Variants in PCM1 observed in about 807,000 individuals in gnomAD.
PCM1 encodes the protein pericentriolar material 1 protein.
Under a neutral mutation model 241.9 loss-of-function variants are expected in PCM1, and 157 were observed. That is an observed-to-expected ratio of 0.65 (90% CI 0.57 to 0.74). The LOEUF is 0.74. Among genes scored for constraint, PCM1 ranks in the 30% least tolerant of loss-of-function variants. The pLI, the probability that PCM1 is intolerant of heterozygous loss-of-function variation, is 0.00. For synonymous variants in PCM1, 1,085 were observed against 784.9 expected, an observed-to-expected ratio of 1.38 and a Z score of -6.39; for missense variants, 3,478 against 2,360.1, an observed-to-expected ratio of 1.47 and a Z score of -9.81.
chr8:17,937,245 C>G lies in PCM1; in HGVS notation c.208C>G (p.Pro70Ala). Residue 70 changes from proline (P) to alanine (A), a missense_variant, in exon 4 of 39, where the codon CCA (proline) becomes GCA (alanine). By Grantham distance (27) the Pro-to-Ala change is conservative. Transcript: ENST00000325083. Reference protein sequence around the residue: ...VTNDISPESSPGVGRRRTKTP... With the variant: ...VTNDISPESSAGVGRRRTKTP... Reference sequence around the variant, plus strand: ...CAATGATATTTCTCCGGAGTCGTCACCAGGAGTTGGAAGGCGAAGAACAAA... The same window carrying G: ...CAATGATATTTCTCCGGAGTCGTCAGCAGGAGTTGGAAGGCGAAGAACAAA... 1 of 1,610,462 alleles carries G rather than the reference C, an allele frequency of 6.2e-7. No homozygotes were observed.
intron 2 of PCM1, 81 bp from the exon 3 acceptor site, chr8:17,935,508 A>G (rs1282505629): frequency 4.9e-6 from 3 of 611,912 alleles, no homozygotes; most frequent in Non-Finnish European, 9.0e-6. Context: ...CAAAGATTGT[A>G]TTGCTAAACT....
At position 17,999,068 on chromosome 8, in the gene PCM1, G is replaced by A. The variant is rs146649279; in HGVS notation, c.4827+5449G>A. Among the ~76,000 whole-genome samples the A allele has an allele frequency of 7.4e-3, 1,120 of 152,164 alleles. 11 individuals are homozygous for A. Among genetic ancestry groups the A allele is most frequent in the African/African-American group, 0.026 (1,074 of 41,510 alleles). ...GGCAGTGGGCTCTCCTCTGGCCCAG[G>A]GCAGGTCCAGAAATGCTGTCCAGGA... On this transcript the variant is annotated intron_variant, in intron 29 of 38. Transcript: ENST00000325083.
intron 6 of PCM1, 51 bp downstream of exon 6, chr8:17,939,912 T>TCATCA: frequency 8.5e-7 from 1 of 1,170,184 alleles, no homozygotes; most frequent in Non-Finnish European, 1.2e-6. Flanking sequence ...TATCTCAGTG[T>TCATCA]GTATTTACTG....
At chr8:17,959,768 G>A (rs1463435367) in intron 13 of PCM1, among the ~76,000 whole-genome samples, 2 of 151,994 alleles carry the variant, frequency 1.3e-5, no homozygotes, top group Admixed American at 6.6e-5. Flanking sequence ...AACCATTACT[G>A]GAATTGGCCT....
chr8:17,925,369 TAGG>T (rs2056523348), intron 2 of PCM1: 1 of 152,210 alleles, frequency 6.6e-6, no homozygotes, highest in African/African-American at 2.4e-5. Context: ...GTAAGTTCAC[TAGG>T]AGAAGTTCAA....
At chr8:17,966,536 G>C (rs1290232170) in intron 20 of PCM1, 63 bp downstream of exon 20, 2 of 1,468,852 alleles carry the variant, frequency 1.4e-6, no homozygotes, top group Non-Finnish European at 1.9e-6. Context: ...AGGTTTTACA[G>C]TTAGCTTCTG....
intron 20 of PCM1, 30 bp from the exon 21 acceptor site, chr8:17,966,950 T>G: frequency 6.4e-7 from 1 of 1,558,776 alleles, no homozygotes; most frequent in Non-Finnish European, 8.7e-7. Flanking sequence ...ATATAACTGA[T>G]TCTTAGATTA....
At chr8:18,022,014 G>T (rs1430793063) in intron 36 of PCM1, among the ~76,000 whole-genome samples, 5 of 152,158 alleles carry the variant, frequency 3.3e-5, no homozygotes, top group Non-Finnish European at 5.9e-5. Flanking sequence ...CGTGGAGATT[G>T]GATCTTTTGG....
chr8:17,964,578 A>G lies in PCM1; in HGVS notation c.2665A>G (p.Thr889Ala), dbSNP rs1354412943. ...QQSRTEKTMA[T>A]WGGSTQCALD... ...TCTCTTAATCACTAGAACGATGGCA[A>G]CTTGGGGAGGGTCTACCCAGTGTGC... is the stretch of plus-strand genomic sequence containing the variant. Residue 889 changes from threonine to alanine, a missense_variant, in exon 18 of 39, where the codon ACT becomes GCT. Thr to Ala is a moderately conservative substitution (Grantham distance 58). Coordinates refer to ENST00000325083, the MANE Select transcript of PCM1 (RefSeq NM_006197.4). The G allele has an allele frequency of 1.9e-6, 3 of 1,612,682 alleles. No individual in the cohort carries two copies. The highest frequency in any genetic ancestry group is 1.1e-5 in the South Asian group (1 of 90,968).
chr8:17,969,590 C>A lies in PCM1; in HGVS notation c.3426C>A (p.Ser1142Arg). ...FSSFAPGMNFSPLFPSNFGDF... is the reference protein window; with the variant it reads ...FSSFAPGMNFRPLFPSNFGDF... ...TTTACTGATTAGGTATGAATTTCAG[C>A]CCTTTATTTCCTTCTAATTTTGGAG... The change falls in exon 22 of 39, where the codon AGC becomes AGA. Residue 1142 changes from serine (S) to arginine (R), a missense_variant. Transcript: ENST00000325083. 1 of 1,603,430 alleles carries A rather than the reference C, an allele frequency of 6.2e-7. No homozygotes were observed. The highest frequency in any genetic ancestry group is 8.5e-7 in the Non-Finnish European group (1 of 1,174,700).
chr8:18,006,723 T>A (rs758878205), intron 30 of PCM1, among the ~76,000 whole-genome samples: 1 of 152,230 alleles, frequency 6.6e-6, no homozygotes, highest in Non-Finnish European at 1.5e-5. Flanking sequence ...GTTTCTAAAA[T>A]AATTGGCTAA....
rs1472101018 is a variant in PCM1 at position 18,028,443 on chromosome 8, A to G, written c.*781A>G. ...GCACAGAGAAGTAACATTGTGGTTA[A>G]TTTTAAATGAAAAACTTAACTTTTT... On this transcript the variant is annotated 3_prime_UTR_variant, in exon 39 of 39. Coordinates refer to ENST00000325083, the MANE Select transcript of PCM1 (RefSeq NM_006197.4). 1 of 193,534 alleles carries G rather than the reference A, an allele frequency of 5.2e-6. No individual in the cohort carries two copies. Among genetic ancestry groups the G allele is most frequent in the African/African-American group, 2.3e-5 (1 of 43,226 alleles). The allele number at this position is 193,534 out of a possible 1,614,324, so 12.0% of individuals were successfully genotyped here.
At chr8:17,983,163 A>G (rs921221351) in intron 24 of PCM1, 2 of 667,686 alleles carry the variant, frequency 3.0e-6, no homozygotes, top group East Asian at 1.1e-4. Context: ...TCACTTATTC[A>G]TGTTATAGAC....
chr8:17,994,993 G>T (rs894541690), intron 29 of PCM1, among the ~76,000 whole-genome samples: 1 of 151,316 alleles, frequency 6.6e-6, no homozygotes, highest in Non-Finnish European at 1.5e-5. Context: ...TCACTTTGTT[G>T]TTTGTTTCTT....
At chr8:17,965,960 A>G (rs907578989) in intron 18 of PCM1, 39 bp from the exon 19 acceptor site, 2 of 1,473,442 alleles carry the variant, frequency 1.4e-6, no homozygotes, top group African/African-American at 1.4e-5. Flanking sequence ...AAACCAAATT[A>G]TTATGTATGA....
At chr8:18,004,861 G>A (rs1564322198) in intron 29 of PCM1, among the ~76,000 whole-genome samples, 1 of 152,108 alleles carries the variant, frequency 6.6e-6, no homozygotes, top group Non-Finnish European at 1.5e-5. Context: ...GGCATGAAGT[G>A]CATTTTTACT....
At chr8:17,943,257 AT>A (rs2129451768) in intron 6 of PCM1, among the ~76,000 whole-genome samples, 1 of 99,044 alleles carries the variant, frequency 1.0e-5, no homozygotes, top group East Asian at 2.8e-4. Context: ...CAGTTTTTTT[AT>A]TTTTTCTGGT....
intron 1 of PCM1, among the ~76,000 whole-genome samples, chr8:17,924,036 G>C (rs1390010470): frequency 2.0e-5 from 3 of 150,582 alleles, no homozygotes; most frequent in South Asian, 4.2e-4. Context: ...GGTCTGTATT[G>C]TGTGTCTTAC....
At chr8:18,008,074 A>G (rs1338977521) in intron 30 of PCM1, among the ~76,000 whole-genome samples, 4 of 152,202 alleles carry the variant, frequency 2.6e-5, no homozygotes, top group African/African-American at 9.7e-5. Context: ...CACAGATTCC[A>G]AAGAATAGAC....
Sources: allele counts gnomAD v4.1 joint callset (sites outside exome capture counted in the v4.1 genomes callset), GRCh38; gene constraint gnomAD v4.1.1; transcripts MANE v1.5; gene names NCBI Gene and HGNC (gene_info 2026-07-23, HGNC 2026-07-21).